The following CREBBP variants were observed in gnomAD, a reference collection of about 807,000 sequenced individuals.
CREBBP encodes CREB-binding protein.
A neutral mutation model predicts 265.0 loss-of-function variants in CREBBP; 19 were observed. That is an observed-to-expected ratio of 0.07 (90% CI 0.05 to 0.11). The LOEUF (loss-of-function observed/expected upper bound fraction) is 0.11, where lower values mean the gene tolerates loss of function less well. Among genes scored for constraint, CREBBP ranks in the 10% least tolerant of loss-of-function variants. CREBBP has a pLI of 1.00. For synonymous variants in CREBBP, 1,457 were observed against 1,223.7 expected (o/e 1.19, Z -3.98); for missense variants, 2,525 against 3,219.0 (o/e 0.78, Z 5.22).
chr16:3,804,647 G>A (rs556063150), intron 3 of CREBBP, among the ~76,000 whole-genome samples: 23 of 152,336 alleles, frequency 1.5e-4, no homozygotes, highest in Non-Finnish European at 2.8e-4. Context: ...TATTTACTCG[G>A]TTCTTCTAAA....
intron 5 of CREBBP, chr16:3,784,383 A>G (rs1478147040): frequency 6.6e-6 from 1 of 152,238 alleles, no homozygotes; most frequent in Non-Finnish European, 1.5e-5. Context: ...ATTAACATAA[A>G]TGAAAAGCAA....
chr16:3,865,239 A>T (rs547794147), intron 1 of CREBBP, among the ~76,000 whole-genome samples: 1 of 152,348 alleles, frequency 6.6e-6, no homozygotes, highest in South Asian at 2.1e-4. Flanking sequence ...TCTGTTCCAT[A>T]GATTTGCCTG....
rs749266615 is a variant in CREBBP at position 3,757,812 on chromosome 16, G to T, written c.3606C>A (p.Arg1202=). The change falls in exon 18 of 31, where the codon CGC becomes CGA. Residue 1202 remains arginine, a synonymous_variant. Coordinates refer to ENST00000262367, the MANE Select transcript of CREBBP (RefSeq NM_004380.3). The part of the protein sequence containing the change: ...VMQSLGYCCG[R]KYEFSPQTLC... Reference sequence around the variant, plus strand: ...CCGGAAAAACTTAAAACTGTACCTTGCGTCCACAGCAATATCCAAGGGACT... The same window carrying T: ...CCGGAAAAACTTAAAACTGTACCTTTCGTCCACAGCAATATCCAAGGGACT... 2 of 1,614,052 alleles carry T rather than the reference G, an allele frequency of 1.2e-6. No homozygotes were observed. The highest frequency in any genetic ancestry group is 1.7e-6 in the Non-Finnish European group (2 of 1,180,038).
intron 3 of CREBBP, among the ~76,000 whole-genome samples, chr16:3,796,447 C>T (rs1293222892): frequency 2.7e-5 from 4 of 150,454 alleles, no homozygotes; most frequent in East Asian, 2.0e-4. Context: ...AGTGCAGTGG[C>T]GCCACCTCAG....
At chr16:3,809,976 C>G (rs2053904288) in intron 3 of CREBBP, among the ~76,000 whole-genome samples, 1 of 151,968 alleles carries the variant, frequency 6.6e-6, no homozygotes, top group Admixed American at 6.6e-5. Flanking sequence ...AAAGAACGCA[C>G]TACCCCTCAG....
chr16:3,782,107 A>G (rs1431712751), intron 6 of CREBBP, among the ~76,000 whole-genome samples: 1 of 152,234 alleles, frequency 6.6e-6, no homozygotes, highest in Non-Finnish European at 1.5e-5. Context: ...GAAAAATATT[A>G]AGGAAACCAT....
chr16:3,814,736 C>T (rs369734668), intron 2 of CREBBP, among the ~76,000 whole-genome samples: 5 of 152,096 alleles, frequency 3.3e-5, no homozygotes, highest in African/African-American at 1.2e-4. Context: ...AGATCATGAA[C>T]GGTATGTAAG....
At chr16:3,743,688 G>C (rs1230888212) in intron 23 of CREBBP, 1 of 152,220 alleles carries the variant, frequency 6.6e-6, no homozygotes. Context: ...GGCCAGCCTG[G>C]CGCGTCAAGC....
At chr16:3,837,513 G>A (rs977158499) in intron 2 of CREBBP, among the ~76,000 whole-genome samples, 3 of 151,998 alleles carry the variant, frequency 2.0e-5, no homozygotes, top group African/African-American at 7.3e-5. Context: ...CTACTCGGGA[G>A]GCTGAGGCAG....
At chr16:3,742,612 T>C (rs2052244393) in intron 23 of CREBBP, 1 of 152,110 alleles carries the variant, frequency 6.6e-6, no homozygotes, top group Admixed American at 6.5e-5. Flanking sequence ...TTATCCTGAA[T>C]GCATCTGCAG....
chr16:3,859,516 A>G (rs1457903092), intron 1 of CREBBP, among the ~76,000 whole-genome samples: 1 of 152,184 alleles, frequency 6.6e-6, no homozygotes, highest in Non-Finnish European at 1.5e-5. Context: ...TCGTATGCTC[A>G]CGAATTGACT....
chr16:3,851,306 TAAAAAAA>T (rs1160251196), intron 1 of CREBBP, among the ~76,000 whole-genome samples: 2 of 76,506 alleles, frequency 2.6e-5, no homozygotes, highest in African/African-American at 8.6e-5. Context: ...AAAAAAAAAT[TAAAAAAA>T]AAAAAAAAAA....
intron 16 of CREBBP, among the ~76,000 whole-genome samples, chr16:3,760,736 CAG>C: frequency 6.6e-6 from 1 of 152,132 alleles, no homozygotes; most frequent in East Asian, 1.9e-4. Context: ...TTTTTAGAGA[CAG>C]AGTCTTGCTC....
intron 2 of CREBBP, 31 bp downstream of exon 2, chr16:3,850,266 G>C (rs770424739): frequency 1.2e-6 from 2 of 1,610,186 alleles, no homozygotes; most frequent in East Asian, 4.5e-5. Flanking sequence ...CGGTTAGGTA[G>C]GAAGTATTGA....
chr16:3,822,168 T>C (rs558028740), intron 2 of CREBBP, among the ~76,000 whole-genome samples: 1 of 152,046 alleles, frequency 6.6e-6, no homozygotes, highest in African/African-American at 2.4e-5. Context: ...AGCCACCCGA[T>C]GTTTTCCCCA....
At chr16:3,769,403 G>T in intron 14 of CREBBP, 50 bp from the exon 15 acceptor site, 1 of 1,603,260 alleles carries the variant, frequency 6.2e-7, no homozygotes, top group East Asian at 2.2e-5. Context: ...TAACATAAAT[G>T]ATCTTCAACT....
At chr16:3,819,160 C>G (rs919307230) in intron 2 of CREBBP, among the ~76,000 whole-genome samples, 5 of 152,258 alleles carry the variant, frequency 3.3e-5, no homozygotes, top group African/African-American at 4.8e-5. Context: ...AACACAGCCA[C>G]AAATACAATT....
At chr16:3,876,411 A>C (rs1329423542) in intron 1 of CREBBP, among the ~76,000 whole-genome samples, 3 of 149,072 alleles carry the variant, frequency 2.0e-5, no homozygotes, top group African/African-American at 7.4e-5. Flanking sequence ...AAAAAAAAAA[A>C]AAAAAAAAAA....
chr16:3,826,938 A>T (rs1480965262), intron 2 of CREBBP, among the ~76,000 whole-genome samples: 1 of 152,184 alleles, frequency 6.6e-6, no homozygotes, highest in African/African-American at 2.4e-5. Context: ...GATGGTGGGG[A>T]GGAGATAAAG....
Sources: allele counts gnomAD v4.1 joint callset (sites outside exome capture counted in the v4.1 genomes callset), GRCh38; gene constraint gnomAD v4.1.1; transcripts MANE v1.5; gene names NCBI Gene and HGNC (gene_info 2026-07-23, HGNC 2026-07-21).